The following OR2L5 variants were observed in gnomAD, a reference collection of about 807,000 sequenced individuals.
OR2L5 encodes the protein olfactory receptor family 2 subfamily L member 5, also known as olfactory receptor 2L5.
For synonymous variants in OR2L5, 169 were observed against 142.0 expected, an observed-to-expected ratio of 1.19 and a Z score of -1.35; for missense variants, 413 against 381.6, an observed-to-expected ratio of 1.08 and a Z score of -0.69.
intron 1 of OR2L5, among the ~76,000 whole-genome samples, chr1:248,017,221 A>G (rs1476153108): frequency 6.6e-6 from 1 of 152,220 alleles, no homozygotes; most frequent in Non-Finnish European, 1.5e-5. Flanking sequence ...TTTACAGCTA[A>G]TTCTGTGGAT....
chr1:248,015,833 G>A (rs1430268040), intron 1 of OR2L5, among the ~76,000 whole-genome samples: 1 of 152,014 alleles, frequency 6.6e-6, no homozygotes, highest in Non-Finnish European at 1.5e-5. Flanking sequence ...ACTTTAAGAG[G>A]AACAGCCATA....
rs551526810 is a variant in OR2L5, at chr1:248,022,303, A to T, written c.356A>T (p.Tyr119Phe). 7.4e-6 allele frequency: 12 copies of T among 1,614,082 alleles called. No individual in the cohort carries two copies. The African/African-American group carries it at 1.3e-4, about 18-fold the overall frequency. Residue 119 changes from tyrosine (Y) to phenylalanine (F), a missense_variant, in exon 2 of 2, where the codon TAT becomes TTT. By Grantham distance (22) the Tyr-to-Phe change is conservative. Transcript: ENST00000355281. Reference protein sequence around the residue: ...AEALLLTSMAYDRYVAICFPL... With the variant: ...AEALLLTSMAFDRYVAICFPL... ...GCGCTGCTCCTGACATCAATGGCCT[A>T]TGATCGTTATGTGGCCATTTGCTTT...
chr1:248,022,010 A>T lies in OR2L5; in HGVS notation c.63A>T (p.Lys21Asn). ...FILLGLFPPS[K>N]IGLFLFILFV... ...TATTGGGGCTGTTCCCACCATCAAA[A>T]ATTGGCCTTTTCCTCTTCATTCTCT... The change falls in exon 2 of 2, where the codon AAA becomes AAT. Residue 21 changes from lysine to asparagine, a missense_variant. Lys to Asn is a moderately conservative substitution (Grantham distance 94, BLOSUM62 0). Coordinates refer to ENST00000355281, the MANE Select transcript of OR2L5 (RefSeq NM_001258284.2). 6.2e-7 allele frequency: 1 copy of T among 1,613,930 alleles called. No individual in the cohort carries two copies.
chr1:248,018,080 G>A (rs368676590), intron 1 of OR2L5, among the ~76,000 whole-genome samples: 4,386 of 150,506 alleles, frequency 0.029, 193 homozygotes, highest in African/African-American at 0.1. Context: ...GCGTGAACCC[G>A]GGAGGCGGAG....
intron 1 of OR2L5, 25 bp from the exon 2 acceptor site, chr1:248,021,902 G>A (rs754986840): frequency 3.9e-5 from 58 of 1,491,768 alleles, no homozygotes; most frequent in Non-Finnish European, 5.4e-5. Context: ...TACTGTACTT[G>A]ACTTACCCTT....
chr1:248,023,137 T>C lies in OR2L5; in HGVS notation c.*251T>C, dbSNP rs975651629. On this transcript the variant is annotated 3_prime_UTR_variant, in exon 2 of 2. Transcript: ENST00000355281. ...ATTGTAAGGCCATAGAATTTCATTA[T>C]CATGTATAAATCAAAACAATAAATG... is the stretch of plus-strand genomic sequence containing the variant. 1.4e-4 allele frequency: 47 copies of C among 327,376 alleles called. No homozygotes were observed. The highest frequency in any genetic ancestry group is 9.4e-4 in the Admixed American group (21 of 22,446). The allele number at this position is 327,376 out of a possible 1,614,324, so 20.3% of individuals were successfully genotyped here. A position where few individuals can be genotyped will look rare whatever the true frequency, so the allele number is the denominator to read the frequency against.
chr1:248,021,928 A>G lies in OR2L5; in HGVS notation c.-20A>G. 10 of 1,590,416 alleles carry G rather than the reference A, an allele frequency of 6.3e-6. No homozygotes were observed. Among genetic ancestry groups the G allele is most frequent in the Non-Finnish European group, 8.6e-6 (10 of 1,162,948 alleles). On this transcript the variant is annotated splice_region_variant and 5_prime_UTR_variant, in exon 2 of 2. Coordinates refer to ENST00000355281, the MANE Select transcript of OR2L5 (RefSeq NM_001258284.2). ...ACTTACCCTTGTGTCTCCCTTCAGG[A>G]AGGATCGTATGAATGCCCCATGGAA...
At position 248,024,161 on chromosome 1, in the gene OR2L5, A is replaced by G. The variant is rs888408103; in HGVS notation, c.*1275A>G. 1 of 152,100 alleles carries G rather than the reference A, an allele frequency of 6.6e-6. No homozygotes were observed. Among genetic ancestry groups the G allele is most frequent in the Non-Finnish European group, 1.5e-5 (1 of 68,008 alleles). 9.4% of individuals were successfully genotyped at this position (152,100 alleles called of 1,614,324 possible). ...GCTGCACCAATAAACCCGTCATCTAAGTTTTAAGCCCCATATGCTTTAGGT... is the reference window on the plus strand; with the variant it reads ...GCTGCACCAATAAACCCGTCATCTAGGTTTTAAGCCCCATATGCTTTAGGT... On this transcript the variant is annotated 3_prime_UTR_variant, in exon 2 of 2. Coordinates refer to ENST00000355281, the MANE Select transcript of OR2L5 (RefSeq NM_001258284.2).
chr1:248,021,097 T>C (rs1057237142), intron 1 of OR2L5, among the ~76,000 whole-genome samples: 1 of 152,134 alleles, frequency 6.6e-6, no homozygotes, highest in African/African-American at 2.4e-5. Context: ...CATTTAACTT[T>C]TCCATGCATT....
intron 1 of OR2L5, among the ~76,000 whole-genome samples, chr1:248,016,299 A>G (rs568425839): frequency 6.6e-6 from 1 of 152,282 alleles, no homozygotes; most frequent in South Asian, 2.1e-4. Flanking sequence ...TACACAGGAG[A>G]TTACATGGGT....
chr1:248,015,537 C>T (rs1662177021), intron 1 of OR2L5, among the ~76,000 whole-genome samples: 2 of 152,152 alleles, frequency 1.3e-5, no homozygotes, highest in Non-Finnish European at 2.9e-5. Context: ...CTGACCCTGT[C>T]ACCTGTTTTA....
chr1:248,022,577 C>T lies in OR2L5; in HGVS notation c.630C>T (p.Phe210=), dbSNP rs1294021002. 4.3e-6 allele frequency: 7 copies of T among 1,614,070 alleles called. No individual in the cohort carries two copies. Among genetic ancestry groups the T allele is most frequent in the Middle Eastern group, 3.3e-4 (2 of 6,084 alleles). Residue 210 remains phenylalanine (F), a synonymous_variant, in exon 2 of 2, where the codon TTC becomes TTT. Transcript: ENST00000355281. ...GCACCATCTTTCTTGTGTTTCCCTTCACTGGCATTGCGTGTTCCTATGGCT... is the reference window on the plus strand; with the variant it reads ...GCACCATCTTTCTTGTGTTTCCCTTTACTGGCATTGCGTGTTCCTATGGCT... ...LSSTIFLVFP[F]TGIACSYGWV... is the part of the protein sequence containing the mutation.
rs771271949 is a variant in OR2L5 at position 248,022,021 on chromosome 1, T to A, written c.74T>A (p.Phe25Tyr). 1 of 1,613,992 alleles carries A rather than the reference T, an allele frequency of 6.2e-7. No homozygotes were observed. Among genetic ancestry groups the A allele is most frequent in the South Asian group, 1.1e-5 (1 of 91,078 alleles). Reference sequence around the variant, plus strand: ...TTCCCACCATCAAAAATTGGCCTTTTCCTCTTCATTCTCTTTGTTCTCATT... The same window carrying A: ...TTCCCACCATCAAAAATTGGCCTTTACCTCTTCATTCTCTTTGTTCTCATT... Reference protein sequence around the residue: ...GLFPPSKIGLFLFILFVLIFL... With the variant: ...GLFPPSKIGLYLFILFVLIFL... Residue 25 changes from phenylalanine to tyrosine, a missense_variant, in exon 2 of 2, where the codon TTC becomes TAC. Physicochemically the swap from Phe to Tyr is conservative, Grantham distance 22. Transcript: ENST00000355281.
chr1:248,022,155 C>G lies in OR2L5; in HGVS notation c.208C>G (p.Leu70Val). The change falls in exon 2 of 2, where the codon CTA (leucine) becomes GTA (valine). Residue 70 changes from leucine to valine, a missense_variant. Transcript: ENST00000355281. ...GCTTAGTCAGCTCTCCCTCATTGAC[C>G]TAAATTACATCTCTACGATTGTTCC... ...FLLSQLSLID[L>V]NYISTIVPKM... 2 of 1,613,976 alleles carry G rather than the reference C, an allele frequency of 1.2e-6. No homozygotes were observed. Among genetic ancestry groups the G allele is most frequent in the Non-Finnish European group, 1.7e-6 (2 of 1,179,884 alleles).
At chr1:248,018,351 T>A (rs1192961571) in intron 1 of OR2L5, among the ~76,000 whole-genome samples, 2 of 152,182 alleles carry the variant, frequency 1.3e-5, no homozygotes, top group Non-Finnish European at 2.9e-5. Context: ...ATGATAGAAA[T>A]GTTTGGAATG....
At position 248,024,228 on chromosome 1, in the gene OR2L5, A is replaced by C. The variant is rs527281863; in HGVS notation, c.*1342A>C. 2 of 152,250 alleles carry C rather than the reference A, an allele frequency of 1.3e-5. No homozygotes were observed. The highest frequency in any genetic ancestry group is 2.9e-5 in the Non-Finnish European group (2 of 68,016). 9.4% of individuals were successfully genotyped at this position (152,250 alleles called of 1,614,324 possible). On this transcript the variant is annotated 3_prime_UTR_variant, in exon 2 of 2. Transcript: ENST00000355281. Reference sequence around the variant, plus strand: ...TCCCTCCCCTTGCCCAAGAATTTGTAATGATAGCCATTAAAATCCCAATGT... The same window carrying C: ...TCCCTCCCCTTGCCCAAGAATTTGTCATGATAGCCATTAAAATCCCAATGT...
chr1:248,016,307 GGT>G (rs1662196017), intron 1 of OR2L5, among the ~76,000 whole-genome samples: 1 of 152,008 alleles, frequency 6.6e-6, no homozygotes, highest in Non-Finnish European at 1.5e-5. Flanking sequence ...AGATTACATG[GGT>G]ATTTTTTTTG....
rs143125467 is a variant in OR2L5, at chr1:248,015,714, A to G, written c.-22+1976A>G. ...GATTTTGGAGGCTTTTAAAAGTTCA[A>G]TCTGATTTCTTACAAAACTTCCAGC... is the stretch of plus-strand genomic sequence containing the variant. On this transcript the variant is annotated intron_variant, in intron 1 of 1. Coordinates refer to ENST00000355281, the MANE Select transcript of OR2L5 (RefSeq NM_001258284.2). 5.9e-5 allele frequency among the ~76,000 whole-genome samples: 9 copies of G among 152,234 alleles called. No individual in the cohort carries two copies. The East Asian group carries it at 1.2e-3, about 20-fold the overall frequency.
At chr1:248,015,980 C>G (rs568490928) in intron 1 of OR2L5, among the ~76,000 whole-genome samples, 16 of 152,222 alleles carry the variant, frequency 1.1e-4, no homozygotes, top group Admixed American at 9.8e-4. Flanking sequence ...CCTTGGTTCC[C>G]AACTCTATCA....
Sources: gnomAD v4.1 joint callset for allele counts (sites outside exome capture counted in the v4.1 genomes callset) on GRCh38, gnomAD v4.1.1 for gene constraint, MANE v1.5 for transcripts, NCBI Gene and HGNC (gene_info 2026-07-23, HGNC 2026-07-21) for gene names.